ZKSCAN5: variants seen among roughly 807,000 people sequenced by gnomAD.
ZKSCAN5 encodes the protein zinc finger with KRAB and SCAN domains 5, also known as zinc finger protein with KRAB and SCAN domains 5.
In ZKSCAN5, 28 loss-of-function variants were observed where a neutral mutation model predicts 60.0. That is an observed-to-expected ratio of 0.47 (90% confidence interval 0.35 to 0.64). The LOEUF (loss-of-function observed/expected upper bound fraction) is 0.64, where lower values mean the gene tolerates loss of function less well. Among genes scored for constraint, ZKSCAN5 ranks in the 30% least tolerant of loss-of-function variants. ZKSCAN5 has a pLI of 0.01. For missense variants in ZKSCAN5, 881 were observed against 1,034.6 expected, an observed-to-expected ratio of 0.85 and a Z score of 2.04; for synonymous variants, 361 against 371.2, an observed-to-expected ratio of 0.97 and a Z score of 0.31.
chr7:99,525,878 T>C lies in ZKSCAN5; in HGVS notation c.838T>C (p.Trp280Arg), dbSNP rs756408825. 7.4e-6 allele frequency: 12 copies of C among 1,613,916 alleles called. No individual in the cohort carries two copies. The Admixed American group carries it at 1.8e-4, about 25-fold the overall frequency. ...KQISDDSESH[W>R]VAPEHTERSV... Reference sequence around the variant, plus strand: ...GATTTCTGATGACTCTGAATCACACTGGGTGGCGCCAGAACACACCGAAAG... The same window carrying C: ...GATTTCTGATGACTCTGAATCACACCGGGTGGCGCCAGAACACACCGAAAG... The change falls in exon 6 of 7, where the codon TGG becomes CGG. Residue 280 changes from tryptophan (W) to arginine (R), a missense_variant. Around this residue, in one of 5 missense-constraint regions of ZKSCAN5, gnomAD observed 490 missense variants for 554.5 expected, o/e 0.88. Transcript: ENST00000326775.
chr7:99,507,485 A>G (rs1800796914), intron 2 of ZKSCAN5, among the ~76,000 whole-genome samples: 1 of 148,010 alleles, frequency 6.8e-6, no homozygotes, highest in Non-Finnish European at 1.5e-5. Context: ...ATATATGTGT[A>G]TATATGTATA....
chr7:99,531,136 ATTAAGTG>A lies in ZKSCAN5; in HGVS notation c.1413_1419del (p.Ser471ArgfsTer46). ...GTGACAAAAGAAGTAAGAACACAAA[ATTAAGTG>A]TTAAGAAGAAAATTTCAGAATATTC... On this transcript the variant is annotated frameshift_variant, in exon 7 of 7. Coordinates refer to ENST00000326775, the MANE Select transcript of ZKSCAN5 (RefSeq NM_145102.4). LOFTEE classifies it high-confidence loss of function. 1 of 1,595,804 alleles carries A rather than the reference ATTAAGTG, an allele frequency of 6.3e-7. No homozygotes were observed. Among genetic ancestry groups the A allele is most frequent in the Non-Finnish European group, 8.5e-7 (1 of 1,174,162 alleles).
At position 99,525,964 on chromosome 7, in the gene ZKSCAN5, G is replaced by A. The variant is rs1199873825; in HGVS notation, c.924G>A (p.Arg308=). The A allele has an allele frequency of 1.2e-6, 2 of 1,614,028 alleles. No homozygotes were observed. The highest frequency in any genetic ancestry group is 1.7e-6 in the Non-Finnish European group (2 of 1,180,012). ...GTGACCTTAAAGGCATGGTACAAAGGTGGCAGGTCAACCCCACTGTGGGGA... is the reference window on the plus strand; with the variant it reads ...GTGACCTTAAAGGCATGGTACAAAGATGGCAGGTCAACCCCACTGTGGGGA... ...EVSDLKGMVQ[R]WQVNPTVGKS... Residue 308 remains arginine (R), a synonymous_variant, in exon 6 of 7, where the codon AGG becomes AGA. Transcript: ENST00000326775.
At chr7:99,517,548 G>C (rs995516937) in intron 3 of ZKSCAN5, among the ~76,000 whole-genome samples, 1 of 152,156 alleles carries the variant, frequency 6.6e-6, no homozygotes, top group Admixed American at 6.5e-5. Context: ...AGGCATGGTG[G>C]CACATGCCTG....
Position 99,532,422 on chromosome 7 carries a change from T to C in ZKSCAN5, c.*173T>C, listed in dbSNP as rs1027818024. The C allele has an allele frequency of 9.7e-6, 5 of 512,906 alleles. No homozygotes were observed. Among genetic ancestry groups the C allele is most frequent in the Non-Finnish European group, 1.3e-5 (4 of 310,986 alleles). 31.8% of individuals were successfully genotyped at this position (512,906 alleles called of 1,614,324 possible). ...ACCGGAGAACCCACAATAATAGAAA[T>C]CTTTTCGTGTTCCCCATTGAGAAAT... On this transcript the variant is annotated 3_prime_UTR_variant, in exon 7 of 7. Coordinates refer to ENST00000326775, the MANE Select transcript of ZKSCAN5 (RefSeq NM_145102.4).
rs765059935 is a variant in ZKSCAN5 at position 99,532,248 on chromosome 7, A to C, written c.2519A>C (p.Ter840SerextTer4). 4 of 1,552,288 alleles carry C rather than the reference A, an allele frequency of 2.6e-6. No homozygotes were observed. In the East Asian group the frequency reaches 9.0e-5, roughly 35 times the overall value. ...TTAAGTGTAGAGGGGTCTCTGTTGT[A>C]GAATAGCTCTTAATTTTAGAGAAAC... is the stretch of plus-strand genomic sequence containing the variant. ...NTLSVEGSLL* is the reference protein window; with the variant it reads ...NTLSVEGSLLS Residue 840 changes from the stop codon to serine (S), a stop_lost, in exon 7 of 7, where the codon TAG becomes TCG. Transcript: ENST00000326775.
Position 99,526,397 on chromosome 7 carries a change from T to G in ZKSCAN5, c.1357T>G (p.Phe453Val). The G allele has an allele frequency of 2.5e-6, 4 of 1,600,038 alleles. No homozygotes were observed. Among genetic ancestry groups the G allele is most frequent in the Non-Finnish European group, 2.5e-6 (3 of 1,179,500 alleles). ...TCTGATCGAACACCTAAAACGCCAC[T>G]TCAGGGAGAAATCCCAGAGATGTAC... is the stretch of plus-strand genomic sequence containing the variant. Reference protein sequence around the residue: ...SHLIEHLKRHFREKSQRCSDK... With the variant: ...SHLIEHLKRHVREKSQRCSDK... Residue 453 changes from phenylalanine (F) to valine (V), a missense_variant, in exon 6 of 7, where the codon TTC (phenylalanine) becomes GTC (valine). Transcript: ENST00000326775.
At position 99,524,071 on chromosome 7, in the gene ZKSCAN5, GTTT is replaced by G. The variant is rs754856321; in HGVS notation, c.773-1727_773-1725del. ...CTTAATAGGCCATGATACTCCCTGGGTTTTTTTTTTTTTTTTTGGGACAGAGTC... is the reference window on the plus strand; with the variant it reads ...CTTAATAGGCCATGATACTCCCTGGGTTTTTTTTTTTTTTGGGACAGAGTC... On this transcript the variant is annotated intron_variant, in intron 5 of 6. Coordinates refer to ENST00000326775, the MANE Select transcript of ZKSCAN5 (RefSeq NM_145102.4). Among the ~76,000 whole-genome samples, 137 of 133,554 alleles carry G rather than the reference GTTT, an allele frequency of 1.0e-3. 2 individuals carry two copies. The South Asian group carries it at 0.032, about 31-fold the overall frequency. The allele number at this position is 133,554 out of a possible 152,430, so 87.6% of individuals were successfully genotyped here.
chr7:99,534,390 C>T lies in ZKSCAN5; in HGVS notation c.*2141C>T, dbSNP rs1360469563. 4 of 152,056 alleles carry T rather than the reference C, an allele frequency of 2.6e-5. No homozygotes were observed. Among genetic ancestry groups the T allele is most frequent in the Non-Finnish European group, 4.4e-5 (3 of 68,034 alleles). The allele number at this position is 152,056 out of a possible 1,614,324, so 9.4% of individuals were successfully genotyped here. A position where few individuals can be genotyped will look rare whatever the true frequency, so the allele number is the denominator to read the frequency against. On this transcript the variant is annotated 3_prime_UTR_variant, in exon 7 of 7. Transcript: ENST00000326775. The stretch of plus-strand genomic sequence containing the variant: ...GAGTGGCTAATTTTTAAAAAACATA[C>T]TTTAGCTGGGCGCGGTGGCTCATGC...
intron 5 of ZKSCAN5, among the ~76,000 whole-genome samples, chr7:99,523,163 CAAAAAAAAAAAAAAAAA>C (rs35854468): frequency 6.1e-5 from 3 of 48,942 alleles, no homozygotes; most frequent in African/African-American, 1.5e-4. Context: ...GACCCTATCT[CAAAAAAAAAAAAAAAAA>C]AAAAAAAAAA....
At chr7:99,515,417 A>AGT (rs1226958483) in intron 3 of ZKSCAN5, among the ~76,000 whole-genome samples, 1 of 151,932 alleles carries the variant, frequency 6.6e-6, no homozygotes, top group Non-Finnish European at 1.5e-5. Flanking sequence ...AAAAAAAAAA[A>AGT]CAAAAACTGC....
rs1177343541 is a variant in ZKSCAN5, at chr7:99,526,316, G to C, written c.1276G>C (p.Gly426Arg). 9.3e-6 allele frequency: 15 copies of C among 1,611,312 alleles called. No individual in the cohort carries two copies. Among genetic ancestry groups the C allele is most frequent in the Non-Finnish European group, 1.3e-5 (15 of 1,180,016 alleles). The change falls in exon 6 of 7, where the codon GGA (glycine) becomes CGA (arginine). Residue 426 changes from glycine (G) to arginine (R), a missense_variant. By Grantham distance (125) the Gly-to-Arg change is moderately radical (BLOSUM62 -2). Around this residue, in one of 5 missense-constraint regions of ZKSCAN5, gnomAD observed 490 missense variants for 554.5 expected, o/e 0.88. Coordinates refer to ENST00000326775, the MANE Select transcript of ZKSCAN5 (RefSeq NM_145102.4). ...HLVQHHSVHS[G>R]ERPYGCNECG... The stretch of plus-strand genomic sequence containing the variant: ...GGTTCAGCACCACAGTGTCCACAGC[G>C]GAGAGAGGCCCTATGGCTGCAATGA...
At position 99,532,997 on chromosome 7, in the gene ZKSCAN5, TA is replaced by T. The variant is rs1802118391; in HGVS notation, c.*749del. Reference sequence around the variant, plus strand: ...GAAACTGTACTGGTCAGTCACATCTTACGGCGAAGGGAGAGGGACCTTAGGG... The same window carrying T: ...GAAACTGTACTGGTCAGTCACATCTTCGGCGAAGGGAGAGGGACCTTAGGG... On this transcript the variant is annotated 3_prime_UTR_variant, in exon 7 of 7. Transcript: ENST00000326775. 1 of 212,036 alleles carries T rather than the reference TA, an allele frequency of 4.7e-6. No homozygotes were observed. Among genetic ancestry groups the T allele is most frequent in the East Asian group, 9.7e-5 (1 of 10,340 alleles). 13.1% of individuals were successfully genotyped at this position (212,036 alleles called of 1,614,324 possible).
intron 1 of ZKSCAN5, chr7:99,505,788 T>G (rs1312099950): frequency 1.4e-5 from 5 of 370,286 alleles, no homozygotes; most frequent in Non-Finnish European, 2.5e-5. Flanking sequence ...TTTTAAAATG[T>G]TGGGGTTATT....
chr7:99,517,856 AAAAAG>A (rs1423503437), intron 3 of ZKSCAN5, among the ~76,000 whole-genome samples: 11 of 152,204 alleles, frequency 7.2e-5, no homozygotes, highest in African/African-American at 1.2e-4. Context: ...CAAAAAAAAA[AAAAAG>A]AAAGTTTACA....
intron 2 of ZKSCAN5, among the ~76,000 whole-genome samples, chr7:99,509,186 G>A (rs1363869837): frequency 2.0e-5 from 3 of 151,862 alleles, no homozygotes; most frequent in African/African-American, 7.3e-5. Context: ...ACAGGGTTTC[G>A]CCATGTTGGC....
At chr7:99,507,567 A>G (rs1292158078) in intron 2 of ZKSCAN5, among the ~76,000 whole-genome samples, 1 of 148,628 alleles carries the variant, frequency 6.7e-6, no homozygotes. Flanking sequence ...ATATATGTGT[A>G]TATATATGTG....
Position 99,532,095 on chromosome 7 carries a change from A to G in ZKSCAN5, c.2366A>G (p.Asn789Ser), listed in dbSNP as rs1802077539. ...GGCTTCACTCTGAAGTCACATCTTA[A>G]TCAACATCAGAGAATCCATACTGGT... is the stretch of plus-strand genomic sequence containing the variant. The part of the protein sequence containing the change: ...GRGFTLKSHL[N>S]QHQRIHTGEK... The change falls in exon 7 of 7, where the codon AAT becomes AGT. Residue 789 changes from asparagine (N) to serine (S), a missense_variant. By Grantham distance (46) the Asn-to-Ser change is conservative. Coordinates refer to ENST00000326775, the MANE Select transcript of ZKSCAN5 (RefSeq NM_145102.4). 1 of 1,614,088 alleles carries G rather than the reference A, an allele frequency of 6.2e-7. No homozygotes were observed. The highest frequency in any genetic ancestry group is 8.5e-7 in the Non-Finnish European group (1 of 1,180,048).
intron 1 of ZKSCAN5, 43 bp from the exon 2 acceptor site, chr7:99,505,962 G>A: frequency 6.7e-7 from 1 of 1,493,040 alleles, no homozygotes; most frequent in African/African-American, 1.4e-5. Context: ...TACTGAAAGT[G>A]TCCTTCAGAA....
Sources: allele counts gnomAD v4.1 joint callset (sites outside exome capture counted in the v4.1 genomes callset), GRCh38; gene constraint gnomAD v4.1.1; regional missense constraint gnomAD v4.1.1; transcripts MANE v1.5; gene names NCBI Gene and HGNC (gene_info 2026-07-23, HGNC 2026-07-21).